The following IGSF11 variants were observed in gnomAD, a reference collection of about 807,000 sequenced individuals.
The protein encoded by IGSF11 is immunoglobulin superfamily member 11, also known as CXADR like 1.
IGSF11 carries 22 observed loss-of-function variants against 41.0 expected under a neutral mutation model. That is an observed-to-expected ratio of 0.54 (90% CI 0.38 to 0.77). The LOEUF (loss-of-function observed/expected upper bound fraction) is 0.77. Among genes scored for constraint, IGSF11 ranks in the 30% least tolerant of loss-of-function variants. The probability of loss-of-function intolerance (pLI) is 0.00; values close to 1 mark genes in which losing one functional copy is unlikely to be tolerated. For synonymous variants in IGSF11, 219 were observed against 201.3 expected (o/e 1.09, Z -0.74); for missense variants, 444 against 530.8 (o/e 0.84, Z 1.61).
rs983838483 is a variant in IGSF11, at chr3:118,903,480, G to T, written c.855-519C>A. 2.6e-5 allele frequency among the ~76,000 whole-genome samples: 4 copies of T among 151,986 alleles called. No individual in the cohort carries two copies. The East Asian group carries it at 7.7e-4, about 29-fold the overall frequency. ...AAAATAGCTGGGAAATCAAACTATA[G>T]GTATGCAGAACTTAAAGAAATAATC... On this transcript the variant is annotated intron_variant, in intron 6 of 6. Transcript: ENST00000393775.
upstream of IGSF11, among the ~76,000 whole-genome samples, chr3:119,106,910 C>T (rs967301537): frequency 2.0e-5 from 3 of 152,308 alleles, no homozygotes; most frequent in Middle Eastern, 6.8e-3. Flanking sequence ...CTACAAAGGA[C>T]ATGAACTCAT....
chr3:119,079,389 T>C (rs1184508602), intron 1 of IGSF11, among the ~76,000 whole-genome samples: 1 of 151,248 alleles, frequency 6.6e-6, no homozygotes, highest in East Asian at 1.9e-4. Flanking sequence ...AAATAACAGA[T>C]GTTGGTGAAA....
intron 1 of IGSF11, chr3:118,948,370 G>C (rs1576453791): frequency 1.3e-5 from 2 of 152,174 alleles, no homozygotes; most frequent in Non-Finnish European, 1.5e-5. Context: ...GTGTCTACAT[G>C]AAAACTTGAG....
In IGSF11 at chr3:119,010,364, C is replaced by T. The variant is rs536485657; in HGVS notation, c.52+24167G>A. Among the ~76,000 whole-genome samples, 8 of 152,156 alleles carry T rather than the reference C, an allele frequency of 5.3e-5. No homozygotes were observed. In the East Asian group the frequency reaches 9.6e-4, roughly 18 times the overall value. On this transcript the variant is annotated intron_variant, in intron 1 of 6. Transcript: ENST00000393775. ...GAAAAGTAGGAAAAGATGAGAGCGA[C>T]GGTTAATTGTATGTGTCAACTTAAC...
chr3:119,129,687 A>C (rs972547179), intron 1 of IGSF11, among the ~76,000 whole-genome samples: 1 of 152,208 alleles, frequency 6.6e-6, no homozygotes, highest in African/African-American at 2.4e-5. Context: ...CAATGGATAC[A>C]CAAAAAATAA....
At chr3:118,975,363 T>TAAAAAAAAAAAA (rs376307753) in intron 1 of IGSF11, among the ~76,000 whole-genome samples, 1 of 140,700 alleles carries the variant, frequency 7.1e-6, no homozygotes, top group African/African-American at 2.6e-5. Context: ...CTGCTGGATT[T>TAAAAAAAAAAAA]AAAAAAAAAA....
At chr3:118,949,324 GAAAAAAAAA>G in intron 1 of IGSF11, 1 of 111,618 alleles carries the variant, frequency 9.0e-6, no homozygotes, top group Non-Finnish European at 1.9e-5. Context: ...GCCACCTGAG[GAAAAAAAAA>G]AAAAAAAAAA....
intron 1 of IGSF11, among the ~76,000 whole-genome samples, chr3:119,006,333 C>G (rs2107683717): frequency 3.3e-5 from 3 of 89,732 alleles, no homozygotes; most frequent in Middle Eastern, 9.2e-3. Context: ...TTAAGCACTT[C>G]TCTGTATTGG....
rs747618363 is a variant in IGSF11 at position 119,034,843 on chromosome 3, G to A, written c.-261C>T. 12 of 1,227,374 alleles carry A rather than the reference G, an allele frequency of 9.8e-6. No homozygotes were observed. The highest frequency in any genetic ancestry group is 3.1e-5 in the African/African-American group (2 of 64,140). 76.0% of individuals were successfully genotyped at this position (1,227,374 alleles called of 1,614,324 possible). On this transcript the variant is annotated 5_prime_UTR_variant, in exon 1 of 7. Transcript: ENST00000393775. The stretch of plus-strand genomic sequence containing the variant: ...GCCGTGCCACCCAGCCCTGCCCCAG[G>A]ACTAGCCGACCCCTCGCGCAGTCCG...
In IGSF11 at chr3:119,044,208, A is replaced by G. The variant is rs144548768; in HGVS notation, c.49+60936T>C. 1.2e-4 allele frequency among the ~76,000 whole-genome samples: 18 copies of G among 152,342 alleles called. No homozygotes were observed. The East Asian group carries it at 3.5e-3, about 29-fold the overall frequency. On this transcript the variant is annotated intron_variant, in intron 1 of 6. Coordinates refer to the IGSF11 transcript ENST00000354673. ...GTCTCCAGAGAAATAGACATCATAA[A>G]GAAAAGACAATCACAACTTCTGAAA...
At chr3:118,923,435 C>CA (rs527500087) in intron 4 of IGSF11, among the ~76,000 whole-genome samples, 454 of 152,298 alleles carry the variant, frequency 3.0e-3, no homozygotes, top group Non-Finnish European at 5.0e-3. Flanking sequence ...GTACACGTAT[C>CA]AAAGTCGAGA....
rs1938963819 is a variant in IGSF11 at position 118,902,340 on chromosome 3, G to C, written c.*180C>G. ...GGTGGGGAAGCAAGTCTTCATGATGGAGCATTTCAGTCCATTTTACACATC... is the reference window on the plus strand; with the variant it reads ...GGTGGGGAAGCAAGTCTTCATGATGCAGCATTTCAGTCCATTTTACACATC... On this transcript the variant is annotated 3_prime_UTR_variant, in exon 7 of 7. Transcript: ENST00000393775. 1.8e-6 allele frequency: 1 copy of C among 567,854 alleles called. No individual in the cohort carries two copies. Among genetic ancestry groups the C allele is most frequent in the Non-Finnish European group, 3.1e-6 (1 of 320,886 alleles). 35.2% of individuals were successfully genotyped at this position (567,854 alleles called of 1,614,324 possible). A position where few individuals can be genotyped will look rare whatever the true frequency, so the allele number is the denominator to read the frequency against.
intron 1 of IGSF11, among the ~76,000 whole-genome samples, chr3:119,124,877 T>C (rs1446885835): frequency 6.6e-6 from 1 of 151,468 alleles, no homozygotes; most frequent in African/African-American, 2.4e-5. Flanking sequence ...GTAATCAAAC[T>C]CCCAAAGGTC....
intron 1 of IGSF11, among the ~76,000 whole-genome samples, chr3:118,951,754 C>A (rs923369413): frequency 5.9e-5 from 9 of 152,140 alleles, no homozygotes; most frequent in Non-Finnish European, 8.8e-5. Context: ...ATGTAACCTA[C>A]AAATATTCTC....
chr3:119,045,402 G>C (rs376612041), intron 1 of IGSF11, among the ~76,000 whole-genome samples: 1 of 152,214 alleles, frequency 6.6e-6, no homozygotes, highest in African/African-American at 2.4e-5. Context: ...CTGGAAAATC[G>C]GGTCACTCCC....
At chr3:118,934,031 A>G (rs1943063615) in intron 1 of IGSF11, among the ~76,000 whole-genome samples, 1 of 152,010 alleles carries the variant, frequency 6.6e-6, no homozygotes, top group Non-Finnish European at 1.5e-5. Flanking sequence ...GCATTTAAAC[A>G]TCCTCAAGTA....
intron 1 of IGSF11, among the ~76,000 whole-genome samples, chr3:119,030,060 T>C (rs1940252892): frequency 6.6e-6 from 1 of 152,218 alleles, no homozygotes; most frequent in African/African-American, 2.4e-5. Flanking sequence ...TTTTCTGAAC[T>C]CGGTCCTTCT....
intron 1 of IGSF11, among the ~76,000 whole-genome samples, chr3:119,006,003 G>A (rs896784585): frequency 1.5e-4 from 18 of 120,472 alleles, no homozygotes; most frequent in African/African-American, 6.8e-4. Context: ...GAATCTGAAC[G>A]TTGGCCTGCC....
intron 4 of IGSF11, among the ~76,000 whole-genome samples, 162 bp from the exon 5 acceptor site, chr3:118,905,880 A>G (rs1416284704): frequency 6.6e-6 from 1 of 152,194 alleles, no homozygotes; most frequent in Admixed American, 6.5e-5. Flanking sequence ...AATGTTAAAG[A>G]CTAAAACTAC....
Sources: gnomAD v4.1 joint callset for allele counts (sites outside exome capture counted in the v4.1 genomes callset) on GRCh38, gnomAD v4.1.1 for gene constraint, MANE v1.5 for transcripts, NCBI Gene and HGNC (gene_info 2026-07-23, HGNC 2026-07-21) for gene names.